The following GABRB2 variants were observed in gnomAD, a reference collection of about 807,000 sequenced individuals.
GABRB2 encodes the protein gamma-aminobutyric acid receptor subunit beta-2.
Under a neutral mutation model 54.7 loss-of-function variants are expected in GABRB2, and 16 were observed. The observed-to-expected ratio is 0.29, with a 90% CI of 0.20 to 0.44. The LOEUF is 0.44. Ranked by LOEUF, GABRB2 falls within the 20% of genes least tolerant of loss-of-function variation. The pLI, the probability that GABRB2 is intolerant of heterozygous loss-of-function variation, is 1.00. For missense variants in GABRB2, 355 were observed against 644.0 expected, an observed-to-expected ratio of 0.55 and a Z score of 4.86; for synonymous variants, 244 against 233.8, an observed-to-expected ratio of 1.04 and a Z score of -0.40.
In GABRB2 at chr5:161,294,101, A is replaced by G; in HGVS notation, c.1519T>C (p.Trp507Arg). 1 of 1,613,272 alleles carries G rather than the reference A, an allele frequency of 6.2e-7. No individual in the cohort carries two copies. Among genetic ancestry groups the G allele is most frequent in the Non-Finnish European group, 8.5e-7 (1 of 1,179,254 alleles). The change falls in exon 10 of 10, where the codon TGG becomes CGG. Residue 507 changes from tryptophan (W) to arginine (R), a missense_variant. Trp to Arg is a moderately radical substitution (Grantham distance 101). This residue lies in a region of GABRB2 where 201 missense variants were observed against 228.1 expected (regional missense o/e 0.88). Transcript: ENST00000393959. The stretch of plus-strand genomic sequence containing the variant: ...ATGTTTTAGTTCACATAATAAAGCC[A>G]ATAGACGATGTTGAAGAAGGAAAAA... Reference protein sequence around the residue: ...VVFSFFNIVYWLYYVN With the variant: ...VVFSFFNIVYRLYYVN
intron 4 of GABRB2, among the ~76,000 whole-genome samples, chr5:161,429,222 C>G (rs979084103): frequency 2.0e-5 from 3 of 150,838 alleles, no homozygotes; most frequent in Non-Finnish European, 4.4e-5. Flanking sequence ...TGATGCACAC[C>G]TGTAATCCCA....
chr5:161,497,826 G>A (rs1759303606), intron 3 of GABRB2, among the ~76,000 whole-genome samples: 1 of 152,060 alleles, frequency 6.6e-6, no homozygotes, highest in Non-Finnish European at 1.5e-5. Flanking sequence ...CTAGGATGCT[G>A]GCCTGCCCTC....
At chr5:161,475,325 T>A (rs376205437) in intron 3 of GABRB2, among the ~76,000 whole-genome samples, 18 of 151,830 alleles carry the variant, frequency 1.2e-4, no homozygotes, top group African/African-American at 4.1e-4. Context: ...AATCCTCACT[T>A]TATTATTATT....
chr5:161,526,553 T>G (rs1477641095), intron 3 of GABRB2, among the ~76,000 whole-genome samples: 2 of 151,300 alleles, frequency 1.3e-5, no homozygotes, highest in African/African-American at 2.4e-5. Flanking sequence ...TTTGGCTTAC[T>G]ACATTCAAAG....
Position 161,546,402 on chromosome 5 carries a change from G to A in GABRB2, c.89C>T (p.Pro30Leu), listed in dbSNP as rs749288718. ...AAVCAQSVND[P>L]SNMSLVKETV... ...CTCTTTAACCAGCGACATATTACTAGGGTCATTGACACTAAAGAAAGAAAT... is the reference window on the plus strand; with the variant it reads ...CTCTTTAACCAGCGACATATTACTAAGGTCATTGACACTAAAGAAAGAAAT... Residue 30 changes from proline to leucine, a missense_variant, in exon 2 of 10, where the codon CCT (proline) becomes CTT (leucine). Coordinates refer to ENST00000393959, the MANE Select transcript of GABRB2 (RefSeq NM_001371727.1). 11 of 1,613,576 alleles carry A rather than the reference G, an allele frequency of 6.8e-6. No homozygotes were observed. In the Admixed American group the frequency reaches 1.8e-4, roughly 27 times the overall value.
chr5:161,301,150 C>T (rs1757526423), intron 9 of GABRB2, among the ~76,000 whole-genome samples: 1 of 152,148 alleles, frequency 6.6e-6, no homozygotes, highest in Non-Finnish European at 1.5e-5. Context: ...TCCAAGGTTT[C>T]TGTTCCCAAT....
Position 161,293,973 on chromosome 5 carries a change from T to A in GABRB2, c.*108A>T. 1.2e-6 allele frequency: 1 copy of A among 858,014 alleles called. No homozygotes were observed. Among genetic ancestry groups the A allele is most frequent in the South Asian group, 1.8e-5 (1 of 56,510 alleles). The allele number at this position is 858,014 out of a possible 1,614,324, so 53.2% of individuals were successfully genotyped here. ...CAGGATAGGCCAGCAACTAAGGTAT[T>A]TTAGCGTCACTTTTGTCCTGGATTG... On this transcript the variant is annotated 3_prime_UTR_variant, in exon 10 of 10. Transcript: ENST00000393959.
intron 5 of GABRB2, among the ~76,000 whole-genome samples, chr5:161,345,101 G>T (rs1056028461): frequency 6.6e-6 from 1 of 151,988 alleles, no homozygotes; most frequent in Non-Finnish European, 1.5e-5. Flanking sequence ...TTGATGACCG[G>T]TTGATGGGTG....
chr5:161,387,652 C>T (rs1346973670), intron 5 of GABRB2, among the ~76,000 whole-genome samples: 4 of 152,034 alleles, frequency 2.6e-5, no homozygotes, highest in Non-Finnish European at 5.9e-5. Flanking sequence ...GTAATAAATC[C>T]CATGTAATAG....
intron 5 of GABRB2, among the ~76,000 whole-genome samples, chr5:161,409,938 A>T (rs1203569956): frequency 6.6e-6 from 1 of 152,196 alleles, no homozygotes; most frequent in Non-Finnish European, 1.5e-5. Context: ...TCAAAAATAC[A>T]TGTAATTTAA....
chr5:161,336,508 T>G, intron 6 of GABRB2, 124 bp downstream of exon 6: 1 of 1,137,596 alleles, frequency 8.8e-7, no homozygotes. Flanking sequence ...AAACTGAGGG[T>G]TTTCAGTGGA....
At chr5:161,513,844 A>T (rs1006827725) in intron 3 of GABRB2, among the ~76,000 whole-genome samples, 5 of 152,010 alleles carry the variant, frequency 3.3e-5, no homozygotes, top group Non-Finnish European at 7.4e-5. Context: ...TTCCCAAAAA[A>T]CTCCACAACT....
At chr5:161,318,975 TCC>T (rs2113377123) in intron 9 of GABRB2, among the ~76,000 whole-genome samples, 1 of 152,104 alleles carries the variant, frequency 6.6e-6, no homozygotes, top group Admixed American at 6.5e-5. Flanking sequence ...TGTGGGAACT[TCC>T]CAAACTTCTC....
intron 5 of GABRB2, among the ~76,000 whole-genome samples, chr5:161,381,961 T>C (rs1322747258): frequency 6.6e-6 from 1 of 152,216 alleles, no homozygotes; most frequent in Non-Finnish European, 1.5e-5. Flanking sequence ...AACCCATTAA[T>C]ATTATGAACC....
intron 3 of GABRB2, among the ~76,000 whole-genome samples, chr5:161,525,045 ATTTCTG>A (rs1384175668): frequency 1.3e-5 from 2 of 151,330 alleles, no homozygotes; most frequent in Non-Finnish European, 3.0e-5. Flanking sequence ...CAGAACAAAA[ATTTCTG>A]TACCAACCAG....
chr5:161,538,716 C>T (rs866728160), intron 3 of GABRB2, among the ~76,000 whole-genome samples: 41 of 151,664 alleles, frequency 2.7e-4, no homozygotes, highest in Middle Eastern at 3.4e-3. Context: ...CCCAGCTACT[C>T]GGGAGACTGA....
chr5:161,438,088 T>C (rs1027586899), intron 4 of GABRB2, among the ~76,000 whole-genome samples: 2 of 152,292 alleles, frequency 1.3e-5, no homozygotes, highest in East Asian at 1.9e-4. Context: ...GCAGGCCTTG[T>C]CCAAGACCCA....
chr5:161,335,256 C>T (rs1753958515), intron 6 of GABRB2, among the ~76,000 whole-genome samples: 1 of 152,018 alleles, frequency 6.6e-6, no homozygotes, highest in Non-Finnish European at 1.5e-5. Context: ...TAAGTTTAAT[C>T]TTATGTGAGA....
At chr5:161,442,051 T>C (rs777181497) in intron 4 of GABRB2, among the ~76,000 whole-genome samples, 3 of 152,160 alleles carry the variant, frequency 2.0e-5, no homozygotes, top group Non-Finnish European at 4.4e-5. Context: ...AGGGTGACTA[T>C]AGTCAATGGT....
Sources: allele counts gnomAD v4.1 joint callset (sites outside exome capture counted in the v4.1 genomes callset), GRCh38; gene constraint gnomAD v4.1.1; regional missense constraint gnomAD v4.1.1; transcripts MANE v1.5; gene names NCBI Gene and HGNC (gene_info 2026-07-23, HGNC 2026-07-21).